ZFP62: variants seen among roughly 807,000 people sequenced by gnomAD.
The protein encoded by ZFP62 is zinc finger protein 62 homolog.
Under a neutral mutation model 56.4 loss-of-function variants are expected in ZFP62, and 44 were observed. That is an observed-to-expected ratio of 0.78 (90% CI 0.61 to 1.00). ZFP62 has a LOEUF of 1.00. Among genes scored for constraint, ZFP62 ranks in the 50% least tolerant of loss-of-function variants. The probability of loss-of-function intolerance (pLI) is 0.00; values close to 1 mark genes in which losing one functional copy is unlikely to be tolerated. For synonymous variants in ZFP62, 421 were observed against 388.9 expected (o/e 1.08, Z -0.97); for missense variants, 1,030 against 1,085.7 (o/e 0.95, Z 0.72).
downstream of ZFP62, among the ~76,000 whole-genome samples, chr5:180,843,041 C>CAA (rs71281063): frequency 1.4e-4 from 8 of 57,906 alleles, no homozygotes; most frequent in African/African-American, 4.4e-4. Context: ...AGACTGTCTC[C>CAA]AAAAAAAAAA....
downstream of ZFP62, among the ~76,000 whole-genome samples, chr5:180,844,656 G>A (rs1489507434): frequency 6.6e-6 from 1 of 152,208 alleles, no homozygotes; most frequent in Non-Finnish European, 1.5e-5. Context: ...CTCAGCTGGA[G>A]GCTCCTCCTG....
In ZFP62 at chr5:180,849,360, G is replaced by A. The variant is rs1270398610; in HGVS notation, c.2135C>T (p.Ser712Leu). ...TTTATGGCTTATAAGAGTTCTGCTTGAGAAAAAAGCTTTTCCACATTCATC... is the reference window on the plus strand; with the variant it reads ...TTTATGGCTTATAAGAGTTCTGCTTAAGAAAAAAGCTTTTCCACATTCATC... The part of the protein sequence containing the change: ...TCDECGKAFF[S>L]SRTLISHKRV... Residue 712 changes from serine to leucine, a missense_variant, in exon 2 of 2, where the codon TCA becomes TTA. Coordinates refer to ENST00000502412, the MANE Select transcript of ZFP62 (RefSeq NM_001172638.2). 2.6e-6 allele frequency: 4 copies of A among 1,551,610 alleles called. No homozygotes were observed. The East Asian group carries it at 7.3e-5, about 28-fold the overall frequency.
At chr5:180,847,448 C>T (rs1438596117), downstream of ZFP62, among the ~76,000 whole-genome samples, 1 of 152,186 alleles carries the variant, frequency 6.6e-6, no homozygotes, top group Non-Finnish European at 1.5e-5. Context: ...ATCCTGTGCT[C>T]CTCCTAGGGA....
Position 180,849,528 on chromosome 5 carries a change from T to C in ZFP62, c.1967A>G (p.Asn656Ser). 2 of 1,552,162 alleles carry C rather than the reference T, an allele frequency of 1.3e-6. No homozygotes were observed. The highest frequency in any genetic ancestry group is 2.4e-5 in the South Asian group (2 of 84,062). The change falls in exon 2 of 2, where the codon AAC becomes AGC. Residue 656 changes from asparagine (N) to serine (S), a missense_variant. Physicochemically the swap from Asn to Ser is conservative, Grantham distance 46 (BLOSUM62 1). Coordinates refer to ENST00000502412, the MANE Select transcript of ZFP62 (RefSeq NM_001172638.2). Reference protein sequence around the residue: ...ECDRCEKVFRNNSSLKVHKRI... With the variant: ...ECDRCEKVFRSNSSLKVHKRI... ...TTTATGAACTTTAAGGCTTGAGTTG[T>C]TTCTGAAGACCTTCTCACACCTGTC...
intron 1 of ZFP62, chr5:180,860,692 A>AAG (rs1774258382): frequency 6.6e-6 from 1 of 150,656 alleles, no homozygotes; most frequent in Non-Finnish European, 1.5e-5. Context: ...CACCGACCAA[A>AAG]AAAAAAAAAG....
the ZFP62 span, chr5:180,835,005 T>C: frequency 6.6e-6 from 1 of 150,460 alleles, no homozygotes; most frequent in Middle Eastern, 1.9e-3. Context: ...GCAGGTGGGC[T>C]TTCCTCAGAC....
downstream of ZFP62, chr5:180,845,874 T>C (rs1415131683): frequency 2.0e-6 from 2 of 985,322 alleles, no homozygotes; most frequent in Admixed American, 6.1e-5. Flanking sequence ...AGTGTCTTCA[T>C]ACACAAAACA....
chr5:180,832,723 G>A, the ZFP62 span: 1 of 152,296 alleles, frequency 6.6e-6, no homozygotes, highest in South Asian at 2.1e-4. Context: ...TGAAACAGCA[G>A]TTCTCAAAAT....
chr5:180,840,039 A>T, the ZFP62 span, among the ~76,000 whole-genome samples: 1 of 123,526 alleles, frequency 8.1e-6, no homozygotes, highest in Non-Finnish European at 1.5e-5. Context: ...GGGACTGCCT[A>T]AAGAAAGAAT....
rs1202433543 is a variant in ZFP62, at chr5:180,850,802, T to C, written c.693A>G (p.Gly231=). The change falls in exon 2 of 2, where the codon GGA becomes GGG. Residue 231 remains glycine (G), a synonymous_variant. Transcript: ENST00000502412. ...GEKNCKCDEC[G]KSFNYSSVLD... is the part of the protein sequence containing the mutation. ...GAACAGAGCTATAATTGAAGGATTT[T>C]CCACATTCATCACATTTACAGTTCT... is the stretch of plus-strand genomic sequence containing the variant. 15 of 1,577,580 alleles carry C rather than the reference T, an allele frequency of 9.5e-6. No individual in the cohort carries two copies. The highest frequency in any genetic ancestry group is 1.2e-5 in the Non-Finnish European group (14 of 1,161,624).
At chr5:180,828,550 T>A in the ZFP62 span, among the ~76,000 whole-genome samples, 1 of 152,252 alleles carries the variant, frequency 6.6e-6, no homozygotes, top group African/African-American at 2.4e-5. Context: ...AATGCTTTTA[T>A]AATTTCTTAT....
At chr5:180,857,620 C>T (rs1273971856) in intron 1 of ZFP62, among the ~76,000 whole-genome samples, 1 of 152,104 alleles carries the variant, frequency 6.6e-6, no homozygotes, top group Non-Finnish European at 1.5e-5. Context: ...GCCTCAGCCT[C>T]CCGAGTAGCT....
the ZFP62 span, among the ~76,000 whole-genome samples, chr5:180,841,336 TATAC>T: frequency 1.3e-5 from 2 of 151,660 alleles, no homozygotes; most frequent in Non-Finnish European, 2.9e-5. Flanking sequence ...TATATATATA[TATAC>T]TTTTTACTAA....
the ZFP62 span, among the ~76,000 whole-genome samples, chr5:180,834,080 C>T: frequency 9.1e-3 from 1,387 of 152,250 alleles, 5 homozygotes; most frequent in Non-Finnish European, 0.014. Flanking sequence ...GTGATGGTAA[C>T]AGGAAGTGGG....
chr5:180,848,843 G>C lies in ZFP62; in HGVS notation c.2652C>G (p.Thr884=). 6.5e-7 allele frequency: 1 copy of C among 1,549,180 alleles called. No homozygotes were observed. Among genetic ancestry groups the C allele is most frequent in the East Asian group, 2.4e-5 (1 of 40,846 alleles). The change falls in exon 2 of 2, where the codon ACC becomes ACG. Residue 884 remains threonine (T), a synonymous_variant. Coordinates refer to ENST00000502412, the MANE Select transcript of ZFP62 (RefSeq NM_001172638.2). The part of the protein sequence containing the change: ...GSYSGTSQKR[T]YEGGNALDGG... The stretch of plus-strand genomic sequence containing the variant: ...CATCCAGGGCATTCCCTCCCTCATA[G>C]GTTCTCTTCTGGGATGTGCCACTAT...
In ZFP62 at chr5:180,859,028, G is replaced by A. The variant is rs542696650; in HGVS notation, c.1+2191C>T. On this transcript the variant is annotated intron_variant, in intron 1 of 1. Coordinates refer to ENST00000502412, the MANE Select transcript of ZFP62 (RefSeq NM_001172638.2). Reference sequence around the variant, plus strand: ...AGGCCTAGAAAAGTGAATGCAAACAGTTAAGAACCGGCCCTACATTCTTGC... The same window carrying A: ...AGGCCTAGAAAAGTGAATGCAAACAATTAAGAACCGGCCCTACATTCTTGC... 3.3e-5 allele frequency among the ~76,000 whole-genome samples: 5 copies of A among 152,304 alleles called. No individual in the cohort carries two copies. The South Asian group carries it at 8.3e-4, about 25-fold the overall frequency.
downstream of ZFP62, among the ~76,000 whole-genome samples, chr5:180,843,513 G>A (rs574383737): frequency 6.6e-5 from 10 of 151,870 alleles, no homozygotes; most frequent in Admixed American, 2.6e-4. Context: ...GCCATATAAC[G>A]GTAACCAAAA....
At chr5:180,856,089 C>T (rs2113708174) in intron 1 of ZFP62, among the ~76,000 whole-genome samples, 1 of 152,344 alleles carries the variant, frequency 6.6e-6, no homozygotes, top group South Asian at 2.1e-4. Context: ...GTTAGACTGG[C>T]TGCTGACTGG....
chr5:180,829,827 TGGGGTG>T, the ZFP62 span: 1 of 152,542 alleles, frequency 6.6e-6, no homozygotes, highest in African/African-American at 2.4e-5. Context: ...AAGGAAAGCC[TGGGGTG>T]GGGGTGGGTG....
Sources: allele counts gnomAD v4.1 joint callset (sites outside exome capture counted in the v4.1 genomes callset), GRCh38; gene constraint gnomAD v4.1.1; transcripts MANE v1.5; gene names NCBI Gene and HGNC (gene_info 2026-07-23, HGNC 2026-07-21).